Variants in ACSM2B observed in about 807,000 individuals in gnomAD.
ACSM2B encodes the protein acyl-coenzyme A synthetase ACSM2B, mitochondrial.
ACSM2B carries 58 observed loss-of-function variants against 78.6 expected under a neutral mutation model. The observed-to-expected ratio is 0.74, with a 90% CI of 0.60 to 0.92. The LOEUF is 0.92. ACSM2B is among the 40% of genes least tolerant of loss of function. The probability of loss-of-function intolerance (pLI) is 0.00; values close to 1 mark genes in which losing one functional copy is unlikely to be tolerated. For missense variants in ACSM2B, 688 were observed against 711.2 expected, an observed-to-expected ratio of 0.97 and a Z score of 0.37; for synonymous variants, 257 against 256.8, an observed-to-expected ratio of 1.00 and a Z score of -0.01.
chr16:20,566,677 A>ATATTATATATT (rs2015869880), intron 1 of ACSM2B, among the ~76,000 whole-genome samples: 3 of 1,634 alleles, frequency 1.8e-3, no homozygotes, highest in African/African-American at 2.3e-3. Context: ...TAGTATATAC[A>ATATTATATATT]TATAGTATAT....
At chr16:20,559,497 G>T (rs746661778) in intron 2 of ACSM2B, 50 bp from the exon 3 acceptor site, 5 of 1,590,534 alleles carry the variant, frequency 3.1e-6, no homozygotes, top group South Asian at 2.3e-5. Flanking sequence ...ACACAAGCAG[G>T]TAGGATAAAT....
At position 20,546,426 on chromosome 16, in the gene ACSM2B, T is replaced by G. The variant is rs972695095; in HGVS notation, c.1147A>C (p.Met383Leu). ...SKTMKIKPGYMGTAASCYDVQ... is the reference protein window; with the variant it reads ...SKTMKIKPGYLGTAASCYDVQ... ...TCATAACAGGAAGCAGCCGTTCCCA[T>G]GTATCCTGGTTTGATTTTCATTGTC... The change falls in exon 9 of 14, where the codon ATG becomes CTG. Residue 383 changes from methionine (M) to leucine (L), a missense_variant. Transcript: ENST00000329697. 1 of 1,609,764 alleles carries G rather than the reference T, an allele frequency of 6.2e-7. No homozygotes were observed. Among genetic ancestry groups the G allele is most frequent in the Admixed American group, 1.7e-5 (1 of 59,752 alleles).
rs2016248462 is a variant in ACSM2B at position 20,576,307 on chromosome 16, T to A, written c.-109A>T. The A allele has an allele frequency of 6.6e-6, 1 of 151,206 alleles. No individual in the cohort carries two copies. Among genetic ancestry groups the A allele is most frequent in the Non-Finnish European group, 1.5e-5 (1 of 67,974 alleles). The allele number at this position is 151,206 out of a possible 1,614,324, so 9.4% of individuals were successfully genotyped here. On this transcript the variant is annotated 5_prime_UTR_variant, in exon 1 of 14. Coordinates refer to ENST00000329697, the MANE Select transcript of ACSM2B (RefSeq NM_001105069.2). ...CCTACAGCCTTGGAAGAGAGCACAG[T>A]AACTCAAGCAGACAGCTTCAGAATC...
rs373308064 is a variant in ACSM2B at position 20,543,205 on chromosome 16, G to A, written c.1339C>T (p.Arg447Trp). Residue 447 changes from arginine (R) to tryptophan (W), a missense_variant, in exon 11 of 14, where the codon CGG becomes TGG. Arg to Trp is a moderately radical substitution (Grantham distance 101). Transcript: ENST00000329697. ...TACCCATCTTCATCTTTGATTCCCC[G>A]GTCTCCAAGGAGCCAAAAGTCTCCT... ...IRGDFWLLGD[R>W]GIKDEDGYFQ... 2.2e-4 allele frequency: 351 copies of A among 1,613,634 alleles called. No homozygotes were observed. Among genetic ancestry groups the A allele is most frequent in the Middle Eastern group, 1.8e-3 (11 of 6,056 alleles).
At chr16:20,548,885 T>A (rs141200147) in intron 6 of ACSM2B, among the ~76,000 whole-genome samples, 15,397 of 152,150 alleles carry the variant, frequency 0.1, 1,654 homozygotes, top group African/African-American at 0.26. Context: ...TAATAGATTG[T>A]TTCCAGCCTT....
intron 12 of ACSM2B, 134 bp downstream of exon 12, chr16:20,542,780 A>C: frequency 8.3e-7 from 1 of 1,202,170 alleles, no homozygotes; most frequent in South Asian, 1.5e-5. Flanking sequence ...ACCCAAGGTC[A>C]CATAGCTAGT....
intron 4 of ACSM2B, 67 bp downstream of exon 4, chr16:20,555,202 G>T (rs2015433816): frequency 1.9e-6 from 3 of 1,607,298 alleles, no homozygotes; most frequent in East Asian, 2.2e-5. Context: ...TAAAGCACCT[G>T]CACCTAAGTG....
chr16:20,554,104 T>C (rs1263035245), intron 4 of ACSM2B, 184 bp from the exon 5 acceptor site: 2 of 955,480 alleles, frequency 2.1e-6, no homozygotes, highest in Non-Finnish European at 1.6e-6. Context: ...GTTTGAAAAC[T>C]ACTCAAGTTT....
intron 2 of ACSM2B, among the ~76,000 whole-genome samples, chr16:20,562,388 T>A (rs2015688856): frequency 1.3e-5 from 2 of 152,148 alleles, no homozygotes; most frequent in Non-Finnish European, 2.9e-5. Flanking sequence ...AGCAATTTTA[T>A]TAGCTATTTC....
chr16:20,570,516 A>G (rs2016063226), intron 1 of ACSM2B, among the ~76,000 whole-genome samples: 1 of 151,910 alleles, frequency 6.6e-6, no homozygotes, highest in South Asian at 2.1e-4. Flanking sequence ...ATTGGTCTGC[A>G]GTTTTCTTTT....
intron 4 of ACSM2B, among the ~76,000 whole-genome samples, chr16:20,554,686 A>G (rs773170209): frequency 6.6e-6 from 1 of 152,214 alleles, no homozygotes; most frequent in Non-Finnish European, 1.5e-5. Flanking sequence ...TCTTAGAGAT[A>G]CAAGAGGTGG....
In ACSM2B at chr16:20,551,958, G is replaced by C. The variant is rs146980192; in HGVS notation, c.894+186C>G. Among the ~76,000 whole-genome samples the C allele has an allele frequency of 4.1e-3, 619 of 152,234 alleles. 5 individuals carry two copies. The highest frequency in any genetic ancestry group is 0.013 in the African/African-American group (555 of 41,538). On this transcript the variant is annotated intron_variant, in intron 6 of 13. Coordinates refer to ENST00000329697, the MANE Select transcript of ACSM2B (RefSeq NM_001105069.2). ...ACTCCTTTTATCTATATATGTGCCT[G>C]TCTCCTACCCCAGAACATGAGCTCT...
At chr16:20,566,565 A>G (rs2015853816) in intron 1 of ACSM2B, among the ~76,000 whole-genome samples, 1 of 100,296 alleles carries the variant, frequency 1.0e-5, no homozygotes, top group Non-Finnish European at 1.8e-5. Flanking sequence ...TATATAGTAT[A>G]TAAGGAGATA....
chr16:20,560,565 G>C (rs1398671349), intron 2 of ACSM2B, among the ~76,000 whole-genome samples: 1 of 151,984 alleles, frequency 6.6e-6, no homozygotes, highest in African/African-American at 2.4e-5. Context: ...GCAGAACTTT[G>C]GGCCAATTAA....
In ACSM2B at chr16:20,553,917, C is replaced by T. The variant is rs1214021123; in HGVS notation, c.600G>A (p.Glu200=). 6.2e-7 allele frequency: 1 copy of T among 1,613,570 alleles called. No individual in the cohort carries two copies. Among genetic ancestry groups the T allele is most frequent in the South Asian group, 1.1e-5 (1 of 91,038 alleles). Residue 200 remains glutamate, a synonymous_variant, in exon 5 of 14, where the codon GAG becomes GAA. Transcript: ENST00000329697. ...GWLNFKKLLN[E]ASTTHHCVET... Reference sequence around the variant, plus strand: ...CCACACAGTGATGAGTGGTGGATGCCTCACTGACAAAGACACAGATTGTCA... The same window carrying T: ...CCACACAGTGATGAGTGGTGGATGCTTCACTGACAAAGACACAGATTGTCA...
intron 6 of ACSM2B, among the ~76,000 whole-genome samples, chr16:20,550,134 G>T (rs1201072213): frequency 6.6e-6 from 1 of 152,144 alleles, no homozygotes; most frequent in African/African-American, 2.4e-5. Context: ...TGGCTGAGGA[G>T]GAAGTCCATT....
chr16:20,540,545 G>C, intron 13 of ACSM2B, 109 bp downstream of exon 13: 1 of 1,530,702 alleles, frequency 6.5e-7, no homozygotes, highest in Non-Finnish European at 8.8e-7. Context: ...GTCCGGCCCA[G>C]GAAGACTTTT....
intron 2 of ACSM2B, among the ~76,000 whole-genome samples, chr16:20,563,502 T>A (rs2015729502): frequency 6.6e-6 from 1 of 152,174 alleles, no homozygotes; most frequent in Non-Finnish European, 1.5e-5. Flanking sequence ...GCAAATTTAC[T>A]TTTATGGATT....
At position 20,559,274 on chromosome 16, in the gene ACSM2B, A is replaced by T. The variant is rs371467475; in HGVS notation, c.351T>A (p.Pro117=). 1.2e-3 allele frequency: 1,870 copies of T among 1,613,576 alleles called. 41 individuals carry two copies. The South Asian group carries it at 0.019, about 17-fold the overall frequency. The change falls in exon 3 of 14, where the codon CCT becomes CCA. Residue 117 remains proline (P), a synonymous_variant. Transcript: ENST00000329697. ...DRVAVMLPRV[P]EWWLVILGCI... ...AGCCCAGGATCACCAGCCACCACTC[A>T]GGCACTCGGGGCAGCATCACTGCCA...
Sources: gnomAD v4.1 joint callset for allele counts (sites outside exome capture counted in the v4.1 genomes callset) on GRCh38, gnomAD v4.1.1 for gene constraint, MANE v1.5 for transcripts, NCBI Gene and HGNC (gene_info 2026-07-23, HGNC 2026-07-21) for gene names.